Variants in MORN1 observed in about 807,000 individuals in gnomAD.
MORN1 encodes MORN repeat containing 1, also known as MORN repeat-containing protein 1.
MORN1 carries 67 observed loss-of-function variants against 61.9 expected under a neutral mutation model. That is an observed-to-expected ratio of 1.08 (90% CI 0.89 to 1.33). The LOEUF is 1.33. MORN1 is among the 40% of genes most tolerant of loss of function. MORN1 has a pLI of 0.00. For synonymous variants in MORN1, 301 were observed against 292.0 expected (o/e 1.03, Z -0.31); for missense variants, 752 against 691.2 (o/e 1.09, Z -0.99).
intron 12 of MORN1, among the ~76,000 whole-genome samples, chr1:2,328,117 C>T (rs886415821): frequency 9.8e-5 from 15 of 152,400 alleles, no homozygotes; most frequent in African/African-American, 3.6e-4. Context: ...GGACCCACCC[C>T]TTCGGGCCTA....
intron 12 of MORN1, among the ~76,000 whole-genome samples, chr1:2,325,115 T>TCCC (rs1159184323): frequency 1.2e-5 from 1 of 83,290 alleles, no homozygotes; most frequent in Admixed American, 1.2e-4. Context: ...TTTCCTTCCC[T>TCCC]TCCTTCCCTT....
chr1:2,384,590 G>A (rs1300375997), intron 6 of MORN1, among the ~76,000 whole-genome samples: 2 of 152,208 alleles, frequency 1.3e-5, no homozygotes, highest in African/African-American at 4.8e-5. Flanking sequence ...TCGCCGAGGC[G>A]CAGAGGCTCC....
intron 6 of MORN1, among the ~76,000 whole-genome samples, chr1:2,380,605 C>A (rs558370044): frequency 6.6e-6 from 1 of 152,034 alleles, no homozygotes. Context: ...GTGCAGTGGG[C>A]GTGATCTCAG....
intron 10 of MORN1, chr1:2,352,791 A>T (rs1030208200): frequency 1.3e-5 from 2 of 152,128 alleles, no homozygotes; most frequent in African/African-American, 4.8e-5. Flanking sequence ...TTCAGGCCTC[A>T]TGTTGGATTA....
At chr1:2,371,555 C>T (rs577820921) in intron 8 of MORN1, 1 of 152,368 alleles carries the variant, frequency 6.6e-6, no homozygotes, top group African/African-American at 2.4e-5. Flanking sequence ...TCTGAACCTT[C>T]ATGCATTACT....
chr1:2,336,298 G>A (rs574585771), intron 12 of MORN1, among the ~76,000 whole-genome samples, 171 bp downstream of exon 12: 2 of 152,342 alleles, frequency 1.3e-5, no homozygotes, highest in East Asian at 3.9e-4. Flanking sequence ...TGTTAGCCCC[G>A]CGAGACCCTG....
chr1:2,385,347 G>T, intron 5 of MORN1: 2 of 516,952 alleles, frequency 3.9e-6, no homozygotes, highest in Non-Finnish European at 7.0e-6. Context: ...AGAGGCAACG[G>T]GAGGGGGCTG....
At chr1:2,332,484 C>G (rs1019973923) in intron 12 of MORN1, 2 of 392,282 alleles carry the variant, frequency 5.1e-6, no homozygotes, top group Non-Finnish European at 1.0e-5. Context: ...CCCATTGTCC[C>G]CCTCGGCAGT....
intron 12 of MORN1, among the ~76,000 whole-genome samples, chr1:2,326,973 GAC>G (rs1257674995): frequency 6.6e-6 from 1 of 152,230 alleles, no homozygotes; most frequent in Non-Finnish European, 1.5e-5. Context: ...GCGCGCTGTG[GAC>G]ACACTGGCGC....
intron 2 of MORN1, among the ~76,000 whole-genome samples, chr1:2,389,548 G>A (rs1339749065): frequency 6.6e-6 from 1 of 152,190 alleles, no homozygotes; most frequent in Non-Finnish European, 1.5e-5. Context: ...GATTACAGGC[G>A]TGAGCCACTG....
intron 10 of MORN1, among the ~76,000 whole-genome samples, chr1:2,339,164 A>T (rs1275582871): frequency 6.6e-6 from 1 of 152,156 alleles, no homozygotes; most frequent in Non-Finnish European, 1.5e-5. Flanking sequence ...AATGGTGAAA[A>T]GCGGAAGGGG....
chr1:2,322,328 G>C (rs920517036), intron 13 of MORN1: 2 of 985,310 alleles, frequency 2.0e-6, no homozygotes. Context: ...CGGCTGGCCC[G>C]GGCTCACACC....
intron 13 of MORN1, chr1:2,323,674 GAGCCTTCCGCCCAGCCCAGGCCCACCA>G: frequency 1.0e-6 from 1 of 985,218 alleles, no homozygotes; most frequent in Non-Finnish European, 1.2e-6. Context: ...ACGCTGGGAG[GAGCCTTCCGCCCAGCCCAGGCCCACCA>G]AGCCCTGCAG....
At chr1:2,390,033 C>A (rs1243079722) in intron 1 of MORN1, 37 bp from the exon 2 acceptor site, 1 of 1,569,184 alleles carries the variant, frequency 6.4e-7, no homozygotes, top group Admixed American at 1.7e-5. Context: ...TAAGCACAGA[C>A]ACAGAGATGA....
At chr1:2,348,703 A>G (rs2843131) in intron 10 of MORN1, among the ~76,000 whole-genome samples, 19,603 of 87,378 alleles carry the variant, frequency 0.22, 2,074 homozygotes, top group Admixed American at 0.37. Context: ...ACACGCACGC[A>G]CACGCACACC....
In MORN1 at chr1:2,330,664, C is replaced by T. The variant is rs142071461; in HGVS notation, c.1250+5805G>A. Among the ~76,000 whole-genome samples, 1,037 of 152,272 alleles carry T rather than the reference C, an allele frequency of 6.8e-3. 5 individuals carry two copies. Among genetic ancestry groups the T allele is most frequent in the Non-Finnish European group, 0.011 (758 of 68,018 alleles). On this transcript the variant is annotated intron_variant, in intron 12 of 13. Coordinates refer to ENST00000378531, the MANE Select transcript of MORN1 (RefSeq NM_024848.3). ...TAATTAAGCCCATTTTTCTCGGAGCCGAGGAGGGAGGAGGAGCTTGGATGC... is the reference window on the plus strand; with the variant it reads ...TAATTAAGCCCATTTTTCTCGGAGCTGAGGAGGGAGGAGGAGCTTGGATGC...
At chr1:2,341,435 C>A (rs1641391762) in intron 10 of MORN1, among the ~76,000 whole-genome samples, 1 of 152,190 alleles carries the variant, frequency 6.6e-6, no homozygotes, top group South Asian at 2.1e-4. Context: ...GTGGCTCATG[C>A]CTGTCCCAGC....
intron 2 of MORN1, chr1:2,388,635 C>T (rs1642562962): frequency 2.9e-6 from 1 of 343,570 alleles, no homozygotes; most frequent in Admixed American, 4.4e-5. Context: ...AAAAATTAGC[C>T]AGGTGTGGTG....
At chr1:2,379,280 A>G (rs1037514985) in intron 6 of MORN1, 1 of 395,750 alleles carries the variant, frequency 2.5e-6, no homozygotes, top group Non-Finnish European at 5.2e-6. Flanking sequence ...GGTGAAGGCC[A>G]GGAGAGAGAG....
Sources: gnomAD v4.1 joint callset for allele counts (sites outside exome capture counted in the v4.1 genomes callset) on GRCh38, gnomAD v4.1.1 for gene constraint, MANE v1.5 for transcripts, NCBI Gene and HGNC (gene_info 2026-07-23, HGNC 2026-07-21) for gene names.